ARHGAP39: variants seen among roughly 807,000 people sequenced by gnomAD.
The protein encoded by ARHGAP39 is rho GTPase-activating protein 39.
ARHGAP39 carries 44 observed loss-of-function variants against 106.9 expected under a neutral mutation model. The observed-to-expected ratio is 0.41, with a 90% confidence interval of 0.32 to 0.53. The LOEUF (loss-of-function observed/expected upper bound fraction) is 0.53, where lower values mean the gene tolerates loss of function less well. ARHGAP39 is among the 20% of genes least tolerant of loss of function. The probability of loss-of-function intolerance (pLI) is 0.21; values close to 1 mark genes in which losing one functional copy is unlikely to be tolerated. For synonymous variants in ARHGAP39, 768 were observed against 693.2 expected (o/e 1.11, Z -1.69); for missense variants, 1,496 against 1,577.3 (o/e 0.95, Z 0.87).
At chr8:144,579,573 GC>G in intron 3 of ARHGAP39, among the ~76,000 whole-genome samples, 1 of 152,044 alleles carries the variant, frequency 6.6e-6, no homozygotes, top group African/African-American at 2.4e-5. Context: ...TCTGCAGCAG[GC>G]CCCATCCCTG....
chr8:144,607,642 C>T (rs1820343337), intron 1 of ARHGAP39, among the ~76,000 whole-genome samples: 1 of 152,146 alleles, frequency 6.6e-6, no homozygotes, highest in Admixed American at 6.5e-5. Flanking sequence ...AAGACTCAAG[C>T]CCCAGAAGAG....
intron 9 of ARHGAP39, 68 bp from the exon 10 acceptor site, chr8:144,532,464 A>T (rs1451232030): frequency 2.1e-6 from 3 of 1,417,888 alleles, no homozygotes; most frequent in Non-Finnish European, 2.9e-6. Context: ...CCGCCTGGAC[A>T]CTCCCTCCGG....
intron 1 of ARHGAP39, among the ~76,000 whole-genome samples, chr8:144,651,678 G>A (rs556829016): frequency 6.6e-6 from 1 of 152,192 alleles, no homozygotes; most frequent in Admixed American, 6.5e-5. Context: ...CTGCACTCCA[G>A]CCTGGATGAT....
chr8:144,553,102 G>C (rs1167898247), intron 4 of ARHGAP39, among the ~76,000 whole-genome samples: 1 of 152,208 alleles, frequency 6.6e-6, no homozygotes, highest in Non-Finnish European at 1.5e-5. Flanking sequence ...TAGGCCTCCA[G>C]CATGTCCAGA....
At chr8:144,680,322 GC>G (rs771320203) in intron 1 of ARHGAP39, among the ~76,000 whole-genome samples, 1 of 152,212 alleles carries the variant, frequency 6.6e-6, no homozygotes, top group African/African-American at 2.4e-5. Context: ...TTTAGGCTTT[GC>G]GGGCCGCACA....
At chr8:144,650,092 G>A (rs748298396) in intron 1 of ARHGAP39, among the ~76,000 whole-genome samples, 2 of 151,916 alleles carry the variant, frequency 1.3e-5, no homozygotes, top group African/African-American at 4.8e-5. Context: ...GCAGTGAGCT[G>A]AGATTGTGGC....
intron 1 of ARHGAP39, among the ~76,000 whole-genome samples, chr8:144,629,257 G>A (rs1007259721): frequency 6.6e-6 from 1 of 152,212 alleles, no homozygotes; most frequent in Admixed American, 6.5e-5. Flanking sequence ...ATTAGGGGCA[G>A]CCTCAGCCTA....
chr8:144,621,886 A>C (rs571656242), intron 1 of ARHGAP39, among the ~76,000 whole-genome samples: 9 of 152,380 alleles, frequency 5.9e-5, no homozygotes, highest in Admixed American at 4.6e-4. Flanking sequence ...AGTTTCAGGC[A>C]AACAAGATGT....
At chr8:144,532,701 TCA>T (rs1468311450) in intron 9 of ARHGAP39, among the ~76,000 whole-genome samples, 1 of 152,154 alleles carries the variant, frequency 6.6e-6, no homozygotes, top group South Asian at 2.1e-4. Context: ...CCTGCAAGCC[TCA>T]GTTTCCCCAG....
intron 1 of ARHGAP39, among the ~76,000 whole-genome samples, chr8:144,637,364 C>T (rs985365150): frequency 3.3e-5 from 5 of 152,184 alleles, no homozygotes; most frequent in Non-Finnish European, 5.9e-5. Flanking sequence ...GTAATCCCAG[C>T]ACTTTGGGAG....
intron 1 of ARHGAP39, among the ~76,000 whole-genome samples, chr8:144,615,102 C>T (rs188557165): frequency 6.6e-6 from 1 of 152,348 alleles, no homozygotes; most frequent in Non-Finnish European, 1.5e-5. Flanking sequence ...AGGAGGACTG[C>T]TTGAGCTCAG....
rs190961050 is a variant in ARHGAP39, at chr8:144,673,372, T to C, written c.-82+12314A>G. On this transcript the variant is annotated intron_variant, in intron 1 of 11. Coordinates refer to ENST00000377307, the MANE Select transcript of ARHGAP39 (RefSeq NM_025251.3). The stretch of plus-strand genomic sequence containing the variant: ...TCTTCTGAAAAATCCTAGTCACTCC[T>C]GTTTTTAACAGCTTCATTGAGATAG... 6.5e-3 allele frequency among the ~76,000 whole-genome samples: 987 copies of C among 152,354 alleles called. 11 individuals carry two copies. Among genetic ancestry groups the C allele is most frequent in the African/African-American group, 0.022 (919 of 41,584 alleles).
intron 2 of ARHGAP39, among the ~76,000 whole-genome samples, chr8:144,605,085 ACCT>A (rs1273748055): frequency 2.0e-5 from 3 of 152,028 alleles, no homozygotes; most frequent in Non-Finnish European, 4.4e-5. Flanking sequence ...CAAGCAACAG[ACCT>A]CATCTTTACA....
chr8:144,557,503 A>C (rs77478293), intron 3 of ARHGAP39, among the ~76,000 whole-genome samples: 2 of 148,992 alleles, frequency 1.3e-5, no homozygotes, highest in African/African-American at 4.9e-5. Flanking sequence ...GAACCTTCGT[A>C]GTATTCAGCG....
Position 144,671,837 on chromosome 8 carries a change from T to C in ARHGAP39, c.-82+13849A>G, listed in dbSNP as rs1292661461. Among the ~76,000 whole-genome samples, 1 of 152,212 alleles carries C rather than the reference T, an allele frequency of 6.6e-6. No homozygotes were observed. On this transcript the variant is annotated intron_variant, in intron 1 of 11. Coordinates refer to ENST00000377307, the MANE Select transcript of ARHGAP39 (RefSeq NM_025251.3). This position sits in a 1 kb window ranked among gnomAD's most constrained non-coding sequence, Gnocchi z 4.5. ...CTGTCTCCTCCCTGTCGGGGGTATC[T>C]GACTGGCAAGTGGCTGGCACATACA...
At chr8:144,565,831 C>T (rs1005944194) in intron 3 of ARHGAP39, among the ~76,000 whole-genome samples, 2 of 151,732 alleles carry the variant, frequency 1.3e-5, no homozygotes, top group African/African-American at 2.4e-5. Flanking sequence ...GGCACAGTGG[C>T]TCACACTTGT....
At chr8:144,599,458 A>C (rs1487863003) in intron 2 of ARHGAP39, among the ~76,000 whole-genome samples, 1 of 152,208 alleles carries the variant, frequency 6.6e-6, no homozygotes, top group Non-Finnish European at 1.5e-5. Context: ...AAACATACTA[A>C]CATCTGTTTA....
At chr8:144,676,137 G>A (rs925880067) in intron 1 of ARHGAP39, among the ~76,000 whole-genome samples, 14 of 152,230 alleles carry the variant, frequency 9.2e-5, no homozygotes, top group African/African-American at 3.4e-4. Flanking sequence ...CAGCATGGAA[G>A]GGGACCCCAG....
At chr8:144,598,213 T>G (rs1168160396) in intron 2 of ARHGAP39, among the ~76,000 whole-genome samples, 1 of 152,184 alleles carries the variant, frequency 6.6e-6, no homozygotes, top group Non-Finnish European at 1.5e-5. Flanking sequence ...CGTGGGCCTT[T>G]CCGCGTTGAG....
Sources: gnomAD v4.1 joint callset for allele counts (sites outside exome capture counted in the v4.1 genomes callset) on GRCh38, gnomAD v4.1.1 for gene constraint, Gnocchi (gnomAD v3.1) non-coding constraint, MANE v1.5 for transcripts, NCBI Gene and HGNC (gene_info 2026-07-23, HGNC 2026-07-21) for gene names.